LURAP1L: variants seen among roughly 807,000 people sequenced by gnomAD.
LURAP1L encodes leucine rich adaptor protein 1-like.
A neutral mutation model predicts 13.8 loss-of-function variants in LURAP1L; 12 were observed. The ratio of observed to expected loss-of-function variants is 0.87; its 90% CI spans 0.56 to 1.41. LURAP1L has a LOEUF of 1.41. Ranked by LOEUF, LURAP1L falls within the 40% of genes most tolerant of loss-of-function variation. The pLI is 0.00. For synonymous variants in LURAP1L, 139 were observed against 119.2 expected, an observed-to-expected ratio of 1.17 and a Z score of -1.08; for missense variants, 375 against 292.9, an observed-to-expected ratio of 1.28 and a Z score of -2.04.
At chr9:12,820,452 G>T (rs569270545) in intron 1 of LURAP1L, among the ~76,000 whole-genome samples, 1 of 140,476 alleles carries the variant, frequency 7.1e-6, no homozygotes, top group African/African-American at 2.6e-5. Flanking sequence ...GCAGTGAGCC[G>T]AGATTCCGCC....
At chr9:12,804,182 T>G (rs1819624233) in intron 1 of LURAP1L, among the ~76,000 whole-genome samples, 2 of 151,946 alleles carry the variant, frequency 1.3e-5, no homozygotes, top group South Asian at 4.1e-4. Flanking sequence ...TAAAAAGGAG[T>G]TGAAGGCTTA....
At chr9:12,813,645 A>C (rs1190474446) in intron 1 of LURAP1L, among the ~76,000 whole-genome samples, 1 of 152,188 alleles carries the variant, frequency 6.6e-6, no homozygotes, top group African/African-American at 2.4e-5. Flanking sequence ...TACATTTCCA[A>C]TAGTGCCAAA....
chr9:12,798,185 G>C (rs1353526075), intron 1 of LURAP1L, among the ~76,000 whole-genome samples: 1 of 152,122 alleles, frequency 6.6e-6, no homozygotes, highest in Non-Finnish European at 1.5e-5. Flanking sequence ...CAGCATCTGA[G>C]CAAGAATAAT....
At chr9:12,792,640 T>C (rs1165908934) in intron 1 of LURAP1L, among the ~76,000 whole-genome samples, 1 of 152,124 alleles carries the variant, frequency 6.6e-6, no homozygotes, top group Non-Finnish European at 1.5e-5. Flanking sequence ...CTATCACTAT[T>C]ATCATAAACG....
In LURAP1L at chr9:12,814,186, T is replaced by C. The variant is rs536533512; in HGVS notation, c.313-7200T>C. 83 of 152,340 alleles carry C rather than the reference T, an allele frequency of 5.4e-4. 1 individual carries two copies. The highest frequency in any genetic ancestry group is 1.9e-3 in the African/African-American group (80 of 41,574). The allele number at this position is 152,340 out of a possible 1,614,324, so 9.4% of individuals were successfully genotyped here. ...CTGTGTCCTTCCCTTACAATGTAAC[T>C]GTGGCCACTACAGATCACGGAGGAG... On this transcript the variant is annotated intron_variant, in intron 1 of 1. Transcript: ENST00000319264.
At chr9:12,818,203 A>G (rs572712154) in intron 1 of LURAP1L, among the ~76,000 whole-genome samples, 49 of 151,906 alleles carry the variant, frequency 3.2e-4, no homozygotes, top group African/African-American at 8.0e-4. Context: ...TTGTTACTTC[A>G]TAGTCCACTC....
intron 1 of LURAP1L, among the ~76,000 whole-genome samples, chr9:12,782,149 G>C (rs776160764): frequency 6.6e-6 from 1 of 152,140 alleles, no homozygotes. Flanking sequence ...TATGTATTCT[G>C]CCAGTTAATT....
intron 1 of LURAP1L, among the ~76,000 whole-genome samples, chr9:12,807,020 C>CAA (rs71329888): frequency 0.051 from 1,105 of 21,678 alleles, 220 homozygotes; most frequent in African/African-American, 0.16. Context: ...GACTCCGTCT[C>CAA]AAAAAAAAAA....
chr9:12,777,452 C>T (rs1819203969), intron 1 of LURAP1L: 2 of 985,078 alleles, frequency 2.0e-6, no homozygotes, highest in African/African-American at 3.5e-5. Context: ...AAATTAAGGA[C>T]TTAATATGAG....
At chr9:12,801,468 G>A (rs1586882534) in intron 1 of LURAP1L, among the ~76,000 whole-genome samples, 1 of 152,170 alleles carries the variant, frequency 6.6e-6, no homozygotes, top group Middle Eastern at 3.4e-3. Flanking sequence ...ATGCATGTAA[G>A]TGTGTATTTT....
At chr9:12,792,493 C>T (rs1028657829) in intron 1 of LURAP1L, among the ~76,000 whole-genome samples, 2 of 152,070 alleles carry the variant, frequency 1.3e-5, no homozygotes, top group Non-Finnish European at 2.9e-5. Context: ...GTAACATTTG[C>T]AGCATACATT....
rs576435207 is a variant in LURAP1L at position 12,776,047 on chromosome 9, C to T, written c.312+20C>T. On this transcript the variant is annotated intron_variant, in intron 1 of 1. Coordinates refer to ENST00000319264, the MANE Select transcript of LURAP1L (RefSeq NM_203403.2). ...GAGATGGTGAGTGTGGTGCGCCAGC[C>T]GCGGGGGCTGGGACCTGGGCTGGGC... The T allele has an allele frequency of 6.4e-5, 103 of 1,612,030 alleles. 1 individual carries two copies. In the South Asian group the frequency reaches 8.5e-4, roughly 13 times the overall value.
intron 1 of LURAP1L, among the ~76,000 whole-genome samples, chr9:12,796,896 C>T (rs538059361): frequency 2.8e-4 from 40 of 144,326 alleles, no homozygotes; most frequent in African/African-American, 1.0e-3. Flanking sequence ...TGAAGATAAT[C>T]ATTTCTACCA....
chr9:12,806,649 T>A (rs1016177163), intron 1 of LURAP1L, among the ~76,000 whole-genome samples: 2 of 152,190 alleles, frequency 1.3e-5, no homozygotes, highest in African/African-American at 4.8e-5. Context: ...TTTAGAAGTC[T>A]ATAAATATTC....
At chr9:12,780,768 A>T (rs1050788730) in intron 1 of LURAP1L, among the ~76,000 whole-genome samples, 1 of 151,756 alleles carries the variant, frequency 6.6e-6, no homozygotes, top group African/African-American at 2.4e-5. Flanking sequence ...AATGTTTCTC[A>T]TTGTAAAACT....
At chr9:12,807,124 G>T (rs896246773) in intron 1 of LURAP1L, among the ~76,000 whole-genome samples, 1 of 125,432 alleles carries the variant, frequency 8.0e-6, no homozygotes, top group Non-Finnish European at 1.7e-5. Context: ...TATATTAGCC[G>T]GGCGTGGTGG....
At chr9:12,794,839 TA>T (rs1819490982) in intron 1 of LURAP1L, among the ~76,000 whole-genome samples, 1 of 151,786 alleles carries the variant, frequency 6.6e-6, no homozygotes, top group South Asian at 2.1e-4. Flanking sequence ...GATATGTTTT[TA>T]GGCATCAACT....
intron 1 of LURAP1L, among the ~76,000 whole-genome samples, chr9:12,795,365 G>A (rs891950623): frequency 1.3e-5 from 2 of 151,842 alleles, no homozygotes; most frequent in African/African-American, 4.8e-5. Flanking sequence ...GAGTGTAAGA[G>A]GTCAGTATTG....
Position 12,775,590 on chromosome 9 carries a change from C to G in LURAP1L, c.-126C>G, listed in dbSNP as rs774522476. 505 of 1,420,670 alleles carry G rather than the reference C, an allele frequency of 3.6e-4. 2 individuals carry two copies. The highest frequency in any genetic ancestry group is 3.9e-4 in the Admixed American group (13 of 33,590). 88.0% of individuals were successfully genotyped at this position (1,420,670 alleles called of 1,614,324 possible). A position where few individuals can be genotyped will look rare whatever the true frequency, so the allele number is the denominator to read the frequency against. On this transcript the variant is annotated 5_prime_UTR_variant, in exon 1 of 2. Coordinates refer to ENST00000319264, the MANE Select transcript of LURAP1L (RefSeq NM_203403.2). Reference sequence around the variant, plus strand: ...AGGCGGTTATGGAAAGGACGGTACACCGGAGCGGCGGAGGATAGAGACCCT... The same window carrying G: ...AGGCGGTTATGGAAAGGACGGTACAGCGGAGCGGCGGAGGATAGAGACCCT...
Sources: gnomAD v4.1 joint callset for allele counts (sites outside exome capture counted in the v4.1 genomes callset) on GRCh38, gnomAD v4.1.1 for gene constraint, MANE v1.5 for transcripts, NCBI Gene and HGNC (gene_info 2026-07-23, HGNC 2026-07-21) for gene names.